DCAF6: variants seen among roughly 807,000 people sequenced by gnomAD.
DCAF6 encodes DDB1- and CUL4-associated factor 6.
Under a neutral mutation model 125.1 loss-of-function variants are expected in DCAF6, and 54 were observed. That is an observed-to-expected ratio of 0.43 (90% CI 0.35 to 0.54). DCAF6 has a LOEUF of 0.54. Ranked by LOEUF, DCAF6 falls within the 20% of genes least tolerant of loss-of-function variation. The pLI is 0.01. For missense variants in DCAF6, 934 were observed against 1,161.7 expected (o/e 0.80, Z 2.85); for synonymous variants, 371 against 390.4 (o/e 0.95, Z 0.58).
In DCAF6 at chr1:168,004,616, G is replaced by A. The variant is rs1157724560; in HGVS notation, c.1201G>A (p.Val401Ile). Residue 401 changes from valine to isoleucine, a missense_variant, in exon 10 of 22, where the codon GTA (valine) becomes ATA (isoleucine). Around this residue, in one of 5 missense-constraint regions of DCAF6, gnomAD observed 559 missense variants for 635.5 expected, o/e 0.88. Transcript: ENST00000367840. The part of the protein sequence containing the change: ...DLEVSETAME[V>I]DTPAEQFLQP... ...GGAAGTGAGTGAAACTGCAATGGAA[G>A]TAGATACTCCAGCTGAACAATTTCT... 6.2e-7 allele frequency: 1 copy of A among 1,613,016 alleles called. No individual in the cohort carries two copies. The highest frequency in any genetic ancestry group is 8.5e-7 in the Non-Finnish European group (1 of 1,179,478).
intron 10 of DCAF6, among the ~76,000 whole-genome samples, chr1:168,012,370 G>A (rs1261707727): frequency 6.6e-6 from 1 of 152,050 alleles, no homozygotes; most frequent in African/African-American, 2.4e-5. Context: ...ACAAGAATAG[G>A]GTTTGTAGTT....
rs1467846207 is a variant in DCAF6, at chr1:168,072,297, A to G, written c.2792-3074A>G. ...GGTGACAGAGGGAGAATCAGTCTAA[A>G]AAAAAAAAAAAAAAAAAAAAAAAAA... On this transcript the variant is annotated intron_variant, in intron 21 of 21. Transcript: ENST00000367840. Among the ~76,000 whole-genome samples the G allele has an allele frequency of 8.1e-3, 351 of 43,104 alleles. 1 individual carries two copies. Among genetic ancestry groups the G allele is most frequent in the Non-Finnish European group, 0.011 (266 of 23,722 alleles). The allele number at this position is 43,104 out of a possible 152,430, so 28.3% of individuals were successfully genotyped here.
upstream of DCAF6, among the ~76,000 whole-genome samples, chr1:167,935,085 G>A (rs567028474): frequency 6.6e-6 from 1 of 152,204 alleles, no homozygotes; most frequent in East Asian, 1.9e-4. Context: ...TTTGCTCAAG[G>A]TCACAACTAT....
At chr1:167,923,194 G>T in the DCAF6 span, among the ~76,000 whole-genome samples, 2 of 152,126 alleles carry the variant, frequency 1.3e-5, no homozygotes, top group Admixed American at 1.3e-4. Flanking sequence ...CAACTTCTGG[G>T]TGTATACTAA....
At chr1:167,907,679 T>TAGCAAAAAAATTAGTTATTTAGATTAGC in the DCAF6 span, among the ~76,000 whole-genome samples, 2 of 152,218 alleles carry the variant, frequency 1.3e-5, no homozygotes, top group South Asian at 2.1e-4. Context: ...AAGAGGTGAT[T>TAGCAAAAAAATTAGTTATTTAGATTAGC]AAAAGGAGTC....
chr1:167,878,406 T>C, the DCAF6 span: 1 of 1,600,858 alleles, frequency 6.2e-7, no homozygotes, highest in Non-Finnish European at 8.6e-7. Context: ...CTCCCGCTTC[T>C]TTACTAAAAT....
chr1:167,965,025 T>A (rs992442605), intron 2 of DCAF6, among the ~76,000 whole-genome samples: 11 of 152,234 alleles, frequency 7.2e-5, no homozygotes, highest in Admixed American at 6.5e-4. Flanking sequence ...CCAACAGTCC[T>A]GCTATGTTTG....
chr1:167,880,866 C>G, the DCAF6 span, among the ~76,000 whole-genome samples: 1 of 152,190 alleles, frequency 6.6e-6, no homozygotes, highest in East Asian at 1.9e-4. Flanking sequence ...GTGCATGCTT[C>G]GGCCTACTCT....
chr1:167,974,872 A>G lies in DCAF6; in HGVS notation c.295A>G (p.Ser99Gly). Residue 99 changes from serine to glycine, a missense_variant, in exon 4 of 22, where the codon AGT (serine) becomes GGT (glycine). By Grantham distance (56) the Ser-to-Gly change is moderately conservative. Around this residue, in one of 5 missense-constraint regions of DCAF6, gnomAD observed 309 missense variants for 381.2 expected, o/e 0.81. Coordinates refer to ENST00000367840, the MANE Select transcript of DCAF6 (RefSeq NM_001198956.2). The part of the protein sequence containing the change: ...IRSGHRANIF[S>G]AKFLPCTNDK... Reference sequence around the variant, plus strand: ...TTCAGGGCACCGAGCAAACATATTTAGTGCAAAGTTCTTACCTTGTACAAA... The same window carrying G: ...TTCAGGGCACCGAGCAAACATATTTGGTGCAAAGTTCTTACCTTGTACAAA... The G allele has an allele frequency of 6.3e-7, 1 of 1,583,972 alleles. No homozygotes were observed. Among genetic ancestry groups the G allele is most frequent in the Non-Finnish European group, 8.6e-7 (1 of 1,165,696 alleles).
intron 2 of DCAF6, among the ~76,000 whole-genome samples, chr1:167,955,249 CTT>C (rs1309835574): frequency 6.6e-6 from 1 of 152,144 alleles, no homozygotes; most frequent in Non-Finnish European, 1.5e-5. Flanking sequence ...CGTGTTGCGT[CTT>C]TGTATGAACA....
chr1:167,992,266 CACACACACACACACACAA>C (rs947208778), intron 6 of DCAF6, among the ~76,000 whole-genome samples: 9 of 149,026 alleles, frequency 6.0e-5, no homozygotes, highest in African/African-American at 2.2e-4. Flanking sequence ...CACACACACA[CACACACACACACACACAA>C]ACACCGAATG....
chr1:167,938,228 A>T (rs1671640619), intron 1 of DCAF6, among the ~76,000 whole-genome samples: 1 of 151,664 alleles, frequency 6.6e-6, no homozygotes, highest in South Asian at 2.1e-4. Context: ...TTGCATTCTT[A>T]CAAGTACATA....
the DCAF6 span, among the ~76,000 whole-genome samples, chr1:167,875,766 C>CCT: frequency 6.6e-6 from 1 of 152,014 alleles, no homozygotes; most frequent in Non-Finnish European, 1.5e-5. Flanking sequence ...CTGGCTAACA[C>CCT]GGTGAAACCC....
Position 168,002,492 on chromosome 1 carries a change from C to T in DCAF6, c.914C>T (p.Pro305Leu). 6.2e-7 allele frequency: 1 copy of T among 1,612,708 alleles called. No homozygotes were observed. The highest frequency in any genetic ancestry group is 8.5e-7 in the Non-Finnish European group (1 of 1,179,008). Residue 305 changes from proline to leucine, a missense_variant, in exon 8 of 22, where the codon CCA becomes CTA. Physicochemically the swap from Pro to Leu is moderately conservative, Grantham distance 98. Around this residue, in one of 5 missense-constraint regions of DCAF6, gnomAD observed 309 missense variants for 381.2 expected, o/e 0.81. Coordinates refer to ENST00000367840, the MANE Select transcript of DCAF6 (RefSeq NM_001198956.2). ...GTTCTTATTTTTTAGTTGCGACAACCACCAGTTAAGCGTTTGAGACTTCGT... is the reference window on the plus strand; with the variant it reads ...GTTCTTATTTTTTAGTTGCGACAACTACCAGTTAAGCGTTTGAGACTTCGT... ...AEERREELRQ[P>L]PVKRLRLRGD...
chr1:167,992,491 C>T (rs1421271384), intron 6 of DCAF6, among the ~76,000 whole-genome samples: 4 of 152,062 alleles, frequency 2.6e-5, no homozygotes, highest in Non-Finnish European at 4.4e-5. Context: ...GGAGTCCAGT[C>T]TATTTGGATA....
the DCAF6 span, among the ~76,000 whole-genome samples, chr1:167,909,500 A>G: frequency 6.6e-5 from 10 of 152,198 alleles, no homozygotes; most frequent in Admixed American, 5.9e-4. Flanking sequence ...ATGGCTTTGA[A>G]TGCAGCCCAA....
chr1:167,962,516 C>A (rs542678077), intron 2 of DCAF6, among the ~76,000 whole-genome samples: 1 of 152,140 alleles, frequency 6.6e-6, no homozygotes, highest in African/African-American at 2.4e-5. Flanking sequence ...TGTAACTACT[C>A]CTGTTTTCTT....
At position 168,034,983 on chromosome 1, in the gene DCAF6, A is replaced by G. The variant is rs183636155; in HGVS notation, c.1610-3388A>G. On this transcript the variant is annotated intron_variant, in intron 12 of 21. Transcript: ENST00000367840. ...AAGACATTTGTAGTTTAGAATATGC[A>G]TTTTATCACAAAGAGTGAATGCATT... Among the ~76,000 whole-genome samples the G allele has an allele frequency of 3.0e-3, 463 of 152,322 alleles. 1 individual carries two copies. The highest frequency in any genetic ancestry group is 8.5e-3 in the South Asian group (41 of 4,828).
At chr1:167,931,072 C>T (rs1335290375), upstream of DCAF6, among the ~76,000 whole-genome samples, 1 of 152,204 alleles carries the variant, frequency 6.6e-6, no homozygotes, top group African/African-American at 2.4e-5. Context: ...GCTGGGATTA[C>T]AGGTGTGCAC....
Sources: gnomAD v4.1 joint callset for allele counts (sites outside exome capture counted in the v4.1 genomes callset) on GRCh38, gnomAD v4.1.1 for gene constraint, gnomAD v4.1.1 regional missense constraint, MANE v1.5 for transcripts, NCBI Gene and HGNC (gene_info 2026-07-23, HGNC 2026-07-21) for gene names.